The following EMCN variants were observed in gnomAD, a reference collection of about 807,000 sequenced individuals.
The protein encoded by EMCN is MUC-14.
In EMCN, 37 loss-of-function variants were observed where a neutral mutation model predicts 38.4. That is an observed-to-expected ratio of 0.96 (90% CI 0.74 to 1.27). The LOEUF (loss-of-function observed/expected upper bound fraction) is 1.27, where lower values mean the gene tolerates loss of function less well. EMCN is among the 50% of genes most tolerant of loss of function. EMCN has a pLI of 0.00. For missense variants in EMCN, 318 were observed against 302.8 expected (o/e 1.05, Z -0.37); for synonymous variants, 95 against 100.8 (o/e 0.94, Z 0.35).
At chr4:100,485,094 G>T (rs1193298144) in intron 1 of EMCN, among the ~76,000 whole-genome samples, 1 of 152,100 alleles carries the variant, frequency 6.6e-6, no homozygotes, top group Non-Finnish European at 1.5e-5. Flanking sequence ...CATGCAAAAT[G>T]CTAATTACCA....
At chr4:100,441,220 G>T (rs1022971222) in intron 5 of EMCN, among the ~76,000 whole-genome samples, 2 of 152,122 alleles carry the variant, frequency 1.3e-5, no homozygotes. Context: ...ATTTACAATT[G>T]TAATGTCCTG....
chr4:100,456,181 C>A (rs954388686), intron 4 of EMCN, among the ~76,000 whole-genome samples: 1 of 152,148 alleles, frequency 6.6e-6, no homozygotes, highest in African/African-American at 2.4e-5. Context: ...GGGTGTCCCA[C>A]ACCTCACTGA....
chr4:100,461,305 T>C (rs1330386812), intron 4 of EMCN, among the ~76,000 whole-genome samples: 1 of 152,166 alleles, frequency 6.6e-6, no homozygotes, highest in African/African-American at 2.4e-5. Flanking sequence ...GGCACTACCA[T>C]CACCACTTGC....
At chr4:100,486,781 C>G in intron 1 of EMCN, 14 of 869,144 alleles carry the variant, frequency 1.6e-5, no homozygotes, top group Non-Finnish European at 1.9e-5. Context: ...ACAACAATAT[C>G]TGCAAAATGG....
chr4:100,494,885 C>A, intron 1 of EMCN, among the ~76,000 whole-genome samples: 1 of 151,714 alleles, frequency 6.6e-6, no homozygotes, highest in Non-Finnish European at 1.5e-5. Flanking sequence ...ATATCTAAAA[C>A]TCACCCTTTG....
chr4:100,497,744 T>C (rs1729247966), intron 1 of EMCN, among the ~76,000 whole-genome samples: 1 of 151,586 alleles, frequency 6.6e-6, no homozygotes, highest in Non-Finnish European at 1.5e-5. Context: ...CTAAGGAAAA[T>C]GACAATATAA....
At chr4:100,506,502 C>T (rs1729483329) in intron 1 of EMCN, among the ~76,000 whole-genome samples, 1 of 151,576 alleles carries the variant, frequency 6.6e-6, no homozygotes, top group South Asian at 2.1e-4. Context: ...GGGCATTTCT[C>T]AATTTAAAGG....
At chr4:100,512,209 T>C (rs1729644283) in intron 1 of EMCN, among the ~76,000 whole-genome samples, 1 of 152,238 alleles carries the variant, frequency 6.6e-6, no homozygotes, top group Non-Finnish European at 1.5e-5. Flanking sequence ...ACTTTGGGAC[T>C]AATTATGATT....
In EMCN at chr4:100,414,751, AT is replaced by A. The variant is rs896993480; in HGVS notation, c.751+1146del. On this transcript the variant is annotated intron_variant, in intron 10 of 11. Coordinates refer to ENST00000296420, the MANE Select transcript of EMCN (RefSeq NM_016242.4). ...TTCAGCCTTTAATATCTTGCTCTTG[AT>A]TTGGGACAATATTTATAGTTTTCTG... is the stretch of plus-strand genomic sequence containing the variant. Among the ~76,000 whole-genome samples, 13 of 152,116 alleles carry A rather than the reference AT, an allele frequency of 8.5e-5. No individual in the cohort carries two copies. In the South Asian group the frequency reaches 2.7e-3, roughly 32 times the overall value.
At chr4:100,445,357 AG>A (rs1237644438) in intron 5 of EMCN, among the ~76,000 whole-genome samples, 2 of 152,192 alleles carry the variant, frequency 1.3e-5, no homozygotes, top group African/African-American at 4.8e-5. Flanking sequence ...TCTCCCAAAA[AG>A]GTTCTACATA....
At chr4:100,498,762 C>T (rs1179877425) in intron 1 of EMCN, among the ~76,000 whole-genome samples, 3 of 152,176 alleles carry the variant, frequency 2.0e-5, no homozygotes, top group African/African-American at 7.2e-5. Context: ...AATTATTAAA[C>T]TCTACATTTA....
chr4:100,399,168 T>C (rs1726188666), intron 11 of EMCN, among the ~76,000 whole-genome samples: 1 of 152,320 alleles, frequency 6.6e-6, no homozygotes, highest in Middle Eastern at 3.4e-3. Context: ...TATTTTGCAT[T>C]TTTCTCTGCA....
chr4:100,410,852 T>TAGC (rs529811316), intron 10 of EMCN, among the ~76,000 whole-genome samples: 2 of 152,254 alleles, frequency 1.3e-5, no homozygotes, highest in South Asian at 4.1e-4. Flanking sequence ...CAGGTGCCAT[T>TAGC]ACTCAAAATC....
At chr4:100,489,390 T>C (rs1408624821) in intron 1 of EMCN, among the ~76,000 whole-genome samples, 1 of 152,212 alleles carries the variant, frequency 6.6e-6, no homozygotes, top group Non-Finnish European at 1.5e-5. Context: ...CCATACAGTT[T>C]TCCACAATGA....
chr4:100,405,776 G>A (rs1726376061), intron 11 of EMCN, among the ~76,000 whole-genome samples: 1 of 151,846 alleles, frequency 6.6e-6, no homozygotes, highest in African/African-American at 2.4e-5. Flanking sequence ...TCGTTTTTTT[G>A]GAATTGATTC....
At chr4:100,478,138 G>A (rs534969836) in intron 2 of EMCN, among the ~76,000 whole-genome samples, 3 of 152,094 alleles carry the variant, frequency 2.0e-5, no homozygotes, top group East Asian at 1.9e-4. Flanking sequence ...TAAGCACCAC[G>A]GACCCCAATT....
At chr4:100,465,637 T>G in intron 3 of EMCN, 98 bp from the exon 4 acceptor site, 1 of 603,424 alleles carries the variant, frequency 1.7e-6, no homozygotes, top group South Asian at 3.4e-5. Flanking sequence ...AAGATTAATT[T>G]CTAGAAGTCT....
intron 10 of EMCN, among the ~76,000 whole-genome samples, chr4:100,410,590 A>G (rs1726525421): frequency 6.6e-6 from 1 of 152,016 alleles, no homozygotes; most frequent in African/African-American, 2.4e-5. Flanking sequence ...CCTGGGTGGG[A>G]TAGGTCAGGG....
At chr4:100,465,278 G>A in intron 4 of EMCN, 145 bp downstream of exon 4, 1 of 480,766 alleles carries the variant, frequency 2.1e-6, no homozygotes, top group Non-Finnish European at 3.7e-6. Context: ...AGATGAGGCT[G>A]CCAAATGATT....
Sources: gnomAD v4.1 joint callset for allele counts (sites outside exome capture counted in the v4.1 genomes callset) on GRCh38, gnomAD v4.1.1 for gene constraint, MANE v1.5 for transcripts, NCBI Gene and HGNC (gene_info 2026-07-23, HGNC 2026-07-21) for gene names.